Variants in PRDM2 observed in about 807,000 individuals in gnomAD.
PRDM2 encodes the protein PR/SET domain 2.
In PRDM2, 30 loss-of-function variants were observed where a neutral mutation model predicts 130.0. That is an observed-to-expected ratio of 0.23 (90% CI 0.17 to 0.31). PRDM2 has a LOEUF of 0.31. Ranked by LOEUF, PRDM2 falls within the 10% of genes least tolerant of loss-of-function variation. The pLI is 1.00. For missense variants in PRDM2, 2,011 were observed against 2,108.4 expected (o/e 0.95, Z 0.90); for synonymous variants, 871 against 782.4 (o/e 1.11, Z -1.89).
At chr1:13,796,982 T>C (rs1309114020) in intron 8 of PRDM2, among the ~76,000 whole-genome samples, 1 of 152,232 alleles carries the variant, frequency 6.6e-6, no homozygotes, top group Non-Finnish European at 1.5e-5. Context: ...TCAGCAAATA[T>C]TTGTTGCCAG....
At chr1:13,720,836 G>A (rs1642702623) in intron 2 of PRDM2, among the ~76,000 whole-genome samples, 2 of 152,150 alleles carry the variant, frequency 1.3e-5, no homozygotes, top group Non-Finnish European at 2.9e-5. Context: ...GAGAATTTAG[G>A]ATTTATTGAC....
At chr1:13,804,297 AC>A (rs1195692195) in intron 8 of PRDM2, among the ~76,000 whole-genome samples, 1 of 151,910 alleles carries the variant, frequency 6.6e-6, no homozygotes, top group Non-Finnish European at 1.5e-5. Flanking sequence ...GTGGTGTCAA[AC>A]CTTTACCCCT....
At chr1:13,713,647 G>T (rs1048477494) in intron 1 of PRDM2, among the ~76,000 whole-genome samples, 1 of 152,086 alleles carries the variant, frequency 6.6e-6, no homozygotes, top group African/African-American at 2.4e-5. Flanking sequence ...TTTTTGTTCT[G>T]TTCCTCAAAG....
In PRDM2 at chr1:13,779,273, G is replaced by A; in HGVS notation, c.1478G>A (p.Gly493Glu). 6.2e-7 allele frequency: 1 copy of A among 1,614,018 alleles called. No homozygotes were observed. Among genetic ancestry groups the A allele is most frequent in the Admixed American group, 1.7e-5 (1 of 60,016 alleles). Residue 493 changes from glycine to glutamate, a missense_variant, in exon 8 of 10, where the codon GGA becomes GAA. Gly to Glu is a moderately conservative substitution (Grantham distance 98, BLOSUM62 -2). This residue lies in a region of PRDM2 where 1,288 missense variants were observed against 1,237.7 expected (regional missense o/e 1.04). Transcript: ENST00000311066. This position sits in a 1 kb window ranked among gnomAD's most constrained non-coding sequence, Gnocchi z 4.9. ...HPCKYCKKVF[G>E]THTNMRRHQR... is the part of the protein sequence containing the mutation. ...TGCAAATATTGTAAAAAGGTTTTTGGAACTCATACTAATATGAGACGGCAT... is the reference window on the plus strand; with the variant it reads ...TGCAAATATTGTAAAAAGGTTTTTGAAACTCATACTAATATGAGACGGCAT...
chr1:13,720,420 G>A (rs1253430232), intron 2 of PRDM2, among the ~76,000 whole-genome samples: 2 of 152,072 alleles, frequency 1.3e-5, no homozygotes, highest in Admixed American at 6.6e-5. Flanking sequence ...ACCTGAGGAG[G>A]GTGGAGTAAA....
chr1:13,755,695 T>C (rs1206463483), intron 6 of PRDM2, among the ~76,000 whole-genome samples: 3 of 152,162 alleles, frequency 2.0e-5, no homozygotes, highest in African/African-American at 7.2e-5. Flanking sequence ...GACAATTTCA[T>C]GTTCCAGTTT....
intron 8 of PRDM2, among the ~76,000 whole-genome samples, chr1:13,799,041 G>T (rs899686100): frequency 6.6e-6 from 1 of 152,274 alleles, no homozygotes; most frequent in East Asian, 1.9e-4. Context: ...TAGTCAGCTG[G>T]ATCAAAGGGT....
chr1:13,792,755 T>C (rs1216325649), intron 8 of PRDM2, among the ~76,000 whole-genome samples: 1 of 151,896 alleles, frequency 6.6e-6, no homozygotes, highest in Non-Finnish European at 1.5e-5. Flanking sequence ...ATGGAGGGAG[T>C]TGAGGATGCG....
At chr1:13,729,334 T>C (rs892954600) in intron 2 of PRDM2, among the ~76,000 whole-genome samples, 1 of 152,202 alleles carries the variant, frequency 6.6e-6, no homozygotes, top group Non-Finnish European at 1.5e-5. Context: ...AGTGTTTGCC[T>C]AGGGTCCCAG....
intron 6 of PRDM2, chr1:13,770,191 A>G: frequency 5.9e-6 from 2 of 340,644 alleles, no homozygotes; most frequent in South Asian, 2.3e-5. Flanking sequence ...GCTTTTAAAG[A>G]GGACACCTGG....
At chr1:13,777,683 C>T (rs1195555625) in intron 7 of PRDM2, among the ~76,000 whole-genome samples, 1 of 117,774 alleles carries the variant, frequency 8.5e-6, no homozygotes, top group Non-Finnish European at 1.7e-5. Flanking sequence ...GGTCTCTCCT[C>T]CACTGTCACC....
Position 13,824,778 on chromosome 1 carries a change from C to G in PRDM2, c.*1643C>G, listed in dbSNP as rs1033596946. On this transcript the variant is annotated 3_prime_UTR_variant, in exon 10 of 10. Coordinates refer to ENST00000311066, the MANE Select transcript of PRDM2 (RefSeq NM_001393986.1). Reference sequence around the variant, plus strand: ...CCGGCCTCTCAGTTCTTGAGGGCCTCCCCACCGCAGCAGCAAGGAAAGCTC... The same window carrying G: ...CCGGCCTCTCAGTTCTTGAGGGCCTGCCCACCGCAGCAGCAAGGAAAGCTC... 6.6e-6 allele frequency: 1 copy of G among 152,302 alleles called. No individual in the cohort carries two copies. Among genetic ancestry groups the G allele is most frequent in the Admixed American group, 6.5e-5 (1 of 15,278 alleles). The allele number at this position is 152,302 out of a possible 1,614,324, so 9.4% of individuals were successfully genotyped here.
At chr1:13,733,471 G>A (rs142929567) in intron 4 of PRDM2, among the ~76,000 whole-genome samples, 220 of 152,298 alleles carry the variant, frequency 1.4e-3, no homozygotes, top group African/African-American at 5.0e-3. Context: ...TCCCTGGGGG[G>A]CTCCACCCGG....
At chr1:13,813,352 G>T (rs1417360521) in intron 8 of PRDM2, among the ~76,000 whole-genome samples, 4 of 152,164 alleles carry the variant, frequency 2.6e-5, no homozygotes, top group African/African-American at 9.7e-5. Flanking sequence ...ACATCTCGGG[G>T]TTGGGGGCAC....
In PRDM2 at chr1:13,728,226, C is replaced by T. The variant is rs551875751; in HGVS notation, c.10-2774C>T. ...GACAACAAACATTTGAAATCTACTGCTAAGCTGGGGGAACACAACACTGAA... is the reference window on the plus strand; with the variant it reads ...GACAACAAACATTTGAAATCTACTGTTAAGCTGGGGGAACACAACACTGAA... On this transcript the variant is annotated intron_variant, in intron 2 of 9. Transcript: ENST00000311066. Among the ~76,000 whole-genome samples, 3 of 152,308 alleles carry T rather than the reference C, an allele frequency of 2.0e-5. No homozygotes were observed. The South Asian group carries it at 6.2e-4, about 32-fold the overall frequency.
chr1:13,717,031 A>G (rs1046568668), intron 2 of PRDM2, among the ~76,000 whole-genome samples: 2 of 152,116 alleles, frequency 1.3e-5, no homozygotes, highest in African/African-American at 4.8e-5. Flanking sequence ...CCTGTGCTGC[A>G]TTGAGAGATG....
In PRDM2 at chr1:13,765,020, C is replaced by G. The variant is rs571331498; in HGVS notation, c.512-8058C>G. 4.5e-4 allele frequency among the ~76,000 whole-genome samples: 68 copies of G among 152,348 alleles called. 1 individual carries two copies. Among genetic ancestry groups the G allele is most frequent in the African/African-American group, 1.4e-3 (60 of 41,586 alleles). ...CATGGCATGTTAACTTTTATAAAAA[C>G]TAACTGTTGCAGTGTCTTACTACTT... On this transcript the variant is annotated intron_variant, in intron 6 of 9. Transcript: ENST00000311066.
intron 8 of PRDM2, among the ~76,000 whole-genome samples, chr1:13,792,538 G>C (rs1299785050): frequency 6.6e-6 from 1 of 152,164 alleles, no homozygotes; most frequent in East Asian, 1.9e-4. Flanking sequence ...AACCCAGCTA[G>C]AGTTTAGAAC....
intron 2 of PRDM2, among the ~76,000 whole-genome samples, chr1:13,721,184 G>A (rs115494198): frequency 0.015 from 2,236 of 152,258 alleles, 26 homozygotes; most frequent in South Asian, 0.036. Flanking sequence ...ATTGTTGCAT[G>A]TATCAGTAGT....
Sources: allele counts gnomAD v4.1 joint callset (sites outside exome capture counted in the v4.1 genomes callset), GRCh38; gene constraint gnomAD v4.1.1; regional missense constraint gnomAD v4.1.1; non-coding constraint Gnocchi (gnomAD v3.1); transcripts MANE v1.5; gene names NCBI Gene and HGNC (gene_info 2026-07-23, HGNC 2026-07-21).